The following SNTG2 variants were observed in gnomAD, a reference collection of about 807,000 sequenced individuals.
SNTG2 encodes syntrophin gamma 2.
SNTG2 carries 74 observed loss-of-function variants against 70.9 expected under a neutral mutation model. The observed-to-expected ratio is 1.04, with a 90% CI of 0.86 to 1.27. The LOEUF (loss-of-function observed/expected upper bound fraction) is 1.27, where lower values mean the gene tolerates loss of function less well. Ranked by LOEUF, SNTG2 falls within the 50% of genes most tolerant of loss-of-function variation. The pLI is 0.00. For synonymous variants in SNTG2, 278 were observed against 273.8 expected (o/e 1.02, Z -0.15); for missense variants, 717 against 690.7 (o/e 1.04, Z -0.43).
chr2:1,228,334 C>T (rs1675938486), intron 9 of SNTG2, among the ~76,000 whole-genome samples: 1 of 152,226 alleles, frequency 6.6e-6, no homozygotes, highest in South Asian at 2.1e-4. Flanking sequence ...GGCCCTGATC[C>T]ATCTGGTTTC....
intron 9 of SNTG2, among the ~76,000 whole-genome samples, chr2:1,218,747 A>G (rs946753513): frequency 6.6e-6 from 1 of 152,126 alleles, no homozygotes; most frequent in Non-Finnish European, 1.5e-5. Context: ...TAGTACGGGG[A>G]TAGGAACTAA....
At chr2:1,242,000 C>A (rs892298160) in intron 11 of SNTG2, among the ~76,000 whole-genome samples, 1 of 151,998 alleles carries the variant, frequency 6.6e-6, no homozygotes, top group Non-Finnish European at 1.5e-5. Flanking sequence ...ATTTAAGGTC[C>A]TTTTTACAAC....
chr2:1,108,917 C>G (rs1299832771), intron 4 of SNTG2, among the ~76,000 whole-genome samples: 2 of 13,204 alleles, frequency 1.5e-4, no homozygotes, highest in Admixed American at 6.6e-4. Flanking sequence ...ATGGAGAGCT[C>G]CTTGGTAAGA....
At chr2:1,018,060 A>G (rs1659966972) in intron 1 of SNTG2, among the ~76,000 whole-genome samples, 1 of 152,180 alleles carries the variant, frequency 6.6e-6, no homozygotes, top group Admixed American at 6.5e-5. Context: ...AGAAATGTAA[A>G]GATATTTGTT....
intron 1 of SNTG2, among the ~76,000 whole-genome samples, chr2:1,015,270 CTAGT>C (rs1237162393): frequency 6.6e-6 from 1 of 151,936 alleles, no homozygotes; most frequent in Non-Finnish European, 1.5e-5. Context: ...GATTCAATGT[CTAGT>C]TAAAGGCTTG....
intron 8 of SNTG2, among the ~76,000 whole-genome samples, chr2:1,190,973 A>C (rs1041993630): frequency 1.1e-4 from 16 of 152,232 alleles, no homozygotes; most frequent in African/African-American, 3.9e-4. Flanking sequence ...TATGGATACA[A>C]ACACCAGAGC....
chr2:1,227,545 A>G (rs10192365), intron 9 of SNTG2, among the ~76,000 whole-genome samples: 49,118 of 152,120 alleles, frequency 0.32, 9,326 homozygotes, highest in African/African-American at 0.53. Flanking sequence ...CCGCTCCGCC[A>G]CGAATCCGTT....
chr2:1,151,502 G>T (rs1669494342), intron 6 of SNTG2, among the ~76,000 whole-genome samples: 1 of 152,132 alleles, frequency 6.6e-6, no homozygotes, highest in Non-Finnish European at 1.5e-5. Context: ...CTTTCTGCAG[G>T]AACACCAGAC....
In SNTG2 at chr2:1,165,556, G is replaced by C. The variant is rs1338605035; in HGVS notation, c.420G>C (p.Leu140=). 1 of 1,612,386 alleles carries C rather than the reference G, an allele frequency of 6.2e-7. No individual in the cohort carries two copies. The highest frequency in any genetic ancestry group is 1.1e-5 in the South Asian group (1 of 90,506). ...ENATHEEVVH[L]LRNAGDEVTI... ...TTTTGTCATATTGACAGGTGCATCT[G>C]CTGAGAAATGCTGGCGATGAAGTTA... The change falls in exon 7 of 17, where the codon CTG becomes CTC. Residue 140 remains leucine (L), a synonymous_variant. Coordinates refer to ENST00000308624, the MANE Select transcript of SNTG2 (RefSeq NM_018968.4).
At chr2:1,155,065 CCA>C (rs1669779205) in intron 6 of SNTG2, among the ~76,000 whole-genome samples, 1 of 149,296 alleles carries the variant, frequency 6.7e-6, no homozygotes, top group Non-Finnish European at 1.5e-5. Flanking sequence ...TAAACACAAA[CCA>C]CACACACAGC....
intron 16 of SNTG2, among the ~76,000 whole-genome samples, chr2:1,361,087 C>G (rs541896756): frequency 6.6e-6 from 1 of 152,250 alleles, no homozygotes; most frequent in Middle Eastern, 3.2e-3. Context: ...GGCCTTTGGT[C>G]CAAGCCTCAG....
intron 1 of SNTG2, among the ~76,000 whole-genome samples, chr2:1,056,827 G>C (rs1365676704): frequency 1.9e-5 from 1 of 51,544 alleles, no homozygotes; most frequent in African/African-American, 9.1e-5. Flanking sequence ...GCGGGAGGGA[G>C]AGGGCGGCGC....
At chr2:1,071,386 T>C (rs936132169) in intron 1 of SNTG2, among the ~76,000 whole-genome samples, 19 of 149,244 alleles carry the variant, frequency 1.3e-4, no homozygotes, top group African/African-American at 3.7e-4. Flanking sequence ...TCATTCTCAG[T>C]AAACTATCGC....
rs557116258 is a variant in SNTG2 at position 1,316,112 on chromosome 2, G to A, written c.1378-153G>A. Among the ~76,000 whole-genome samples, 9 of 152,256 alleles carry A rather than the reference G, an allele frequency of 5.9e-5. No individual in the cohort carries two copies. The East Asian group carries it at 1.7e-3, about 29-fold the overall frequency. On this transcript the variant is annotated intron_variant, in intron 15 of 16. Transcript: ENST00000308624. ...TTTGCAAAGATTGAAGAATGAGAAA[G>A]TAGAGACAGACAAATCATCACATGC...
At chr2:1,366,571 G>T (rs1661496896) in intron 16 of SNTG2, among the ~76,000 whole-genome samples, 1 of 152,100 alleles carries the variant, frequency 6.6e-6, no homozygotes, top group Admixed American at 6.6e-5. Context: ...GGGGGTAGGG[G>T]TATAACCGTC....
intron 11 of SNTG2, among the ~76,000 whole-genome samples, chr2:1,245,747 T>C (rs1280197512): frequency 6.6e-6 from 1 of 152,254 alleles, no homozygotes; most frequent in Non-Finnish European, 1.5e-5. Context: ...ATAATCTGTG[T>C]ATTTGGTTTC....
chr2:1,362,116 T>G (rs1661198240), intron 16 of SNTG2, among the ~76,000 whole-genome samples: 1 of 152,164 alleles, frequency 6.6e-6, no homozygotes, highest in Non-Finnish European at 1.5e-5. Flanking sequence ...TCACTGATGC[T>G]GAGCATTTCA....
At chr2:1,075,867 C>T (rs1035248201) in intron 1 of SNTG2, among the ~76,000 whole-genome samples, 2 of 152,218 alleles carry the variant, frequency 1.3e-5, no homozygotes, top group Non-Finnish European at 2.9e-5. Context: ...TGTTCTGTGA[C>T]AGGTTCTCTG....
intron 4 of SNTG2, among the ~76,000 whole-genome samples, chr2:1,121,464 T>TA (rs200033891): frequency 0.011 from 1,635 of 151,798 alleles, 26 homozygotes; most frequent in African/African-American, 0.035. Flanking sequence ...GAATTGTTTT[T>TA]AAAAAAAAAT....
Sources: allele counts gnomAD v4.1 joint callset (sites outside exome capture counted in the v4.1 genomes callset), GRCh38; gene constraint gnomAD v4.1.1; transcripts MANE v1.5; gene names NCBI Gene and HGNC (gene_info 2026-07-23, HGNC 2026-07-21).